The following ZNF208 variants were observed in gnomAD, a reference collection of about 807,000 sequenced individuals.
The protein encoded by ZNF208 is zinc finger protein 208.
ZNF208 carries 10 observed loss-of-function variants against 12.1 expected under a neutral mutation model. The observed-to-expected ratio is 0.83, with a 90% CI of 0.51 to 1.40. The LOEUF is 1.40. Among genes scored for constraint, ZNF208 ranks in the 40% most tolerant of loss-of-function variants. The pLI is 0.00. For missense variants in ZNF208, 1,652 were observed against 1,485.0 expected, an observed-to-expected ratio of 1.11 and a Z score of -1.85; for synonymous variants, 497 against 488.4, an observed-to-expected ratio of 1.02 and a Z score of -0.23.
chr19:21,954,261 G>T (rs1969936240), intron 4 of ZNF208, among the ~76,000 whole-genome samples: 1 of 152,150 alleles, frequency 6.6e-6, no homozygotes, highest in Non-Finnish European at 1.5e-5. Context: ...CAACTATGTG[G>T]TCAATTTTGG....
chr19:21,993,935 T>C (rs942938240), intron 1 of ZNF208, among the ~76,000 whole-genome samples: 3 of 152,250 alleles, frequency 2.0e-5, no homozygotes, highest in Admixed American at 6.5e-5. Context: ...ATGTGCTCAA[T>C]AGGAAGTTAC....
At chr19:21,987,774 G>A (rs562554359) in intron 2 of ZNF208, among the ~76,000 whole-genome samples, 2 of 152,244 alleles carry the variant, frequency 1.3e-5, no homozygotes, top group South Asian at 4.2e-4. Flanking sequence ...CACTGCTATA[G>A]ATTAGGTGTA....
At chr19:21,954,285 T>G (rs1233054026) in intron 4 of ZNF208, among the ~76,000 whole-genome samples, 7 of 152,190 alleles carry the variant, frequency 4.6e-5, no homozygotes, top group Non-Finnish European at 8.8e-5. Flanking sequence ...AAGTGTGATG[T>G]GGTGCTGAGA....
chr19:21,972,168 A>T lies in ZNF208; in HGVS notation c.2866T>A (p.Ser956Thr). 1 of 1,610,472 alleles carries T rather than the reference A, an allele frequency of 6.2e-7. No individual in the cohort carries two copies. The highest frequency in any genetic ancestry group is 8.5e-7 in the Non-Finnish European group (1 of 1,178,058). Reference sequence around the variant, plus strand: ...TTATGATAACTAAGGGTTGAGGATGACTTATAGGCTTTGCCACATGCTTCA... The same window carrying T: ...TTATGATAACTAAGGGTTGAGGATGTCTTATAGGCTTTGCCACATGCTTCA... Reference protein sequence around the residue: ...KCEACGKAYKSSSTLSYHKKI... With the variant: ...KCEACGKAYKTSSTLSYHKKI... The change falls in exon 4 of 4, where the codon TCA becomes ACA. Residue 956 changes from serine to threonine, a missense_variant. Physicochemically the swap from Ser to Thr is moderately conservative, Grantham distance 58. This residue lies in a region of ZNF208 where 1,239 missense variants were observed against 1,086.2 expected (regional missense o/e 1.14). Coordinates refer to ENST00000397126, the MANE Select transcript of ZNF208 (RefSeq NM_007153.3).
chr19:21,974,650 T>A lies in ZNF208; in HGVS notation c.384A>T (p.Glu128Asp), dbSNP rs774806098. The A allele has an allele frequency of 6.2e-7, 1 of 1,613,810 alleles. No homozygotes were observed. The highest frequency in any genetic ancestry group is 1.3e-5 in the African/African-American group (1 of 75,048). The change falls in exon 4 of 4, where the codon GAA (glutamate) becomes GAT (aspartate). Residue 128 changes from glutamate (E) to aspartate (D), a missense_variant. Transcript: ENST00000397126. Reference protein sequence around the residue: ...TNVDECKVHKEGYNKLNQSLT... With the variant: ...TNVDECKVHKDGYNKLNQSLT... ...AACTCTGGTTAAGTTTATTATAACC[T>A]TCTTTGTGCACCTTACACTCATCCA...
intron 4 of ZNF208, among the ~76,000 whole-genome samples, chr19:21,955,952 C>A (rs1294507298): frequency 6.6e-6 from 1 of 152,178 alleles, no homozygotes; most frequent in Non-Finnish European, 1.5e-5. Context: ...TCTGGTTTCT[C>A]CCCATCTTTG....
chr19:22,007,505 C>CAAAAA (rs58769307), intron 1 of ZNF208, among the ~76,000 whole-genome samples: 1 of 62,554 alleles, frequency 1.6e-5, no homozygotes, highest in Admixed American at 2.4e-4. Context: ...ACTCTGTCTC[C>CAAAAA]AAAAAAAAAA....
In ZNF208 at chr19:21,971,046, T is replaced by G; in HGVS notation, c.*145A>C. ...TTGTAGGGTGTCTCTCCAGTATGAA[T>G]TCTCTTATGTTCCATAAGGTTTGAG... is the stretch of plus-strand genomic sequence containing the variant. On this transcript the variant is annotated 3_prime_UTR_variant, in exon 4 of 4. Transcript: ENST00000397126. 6.2e-7 allele frequency: 1 copy of G among 1,609,902 alleles called. No individual in the cohort carries two copies. The highest frequency in any genetic ancestry group is 8.5e-7 in the Non-Finnish European group (1 of 1,176,578).
At chr19:21,939,987 A>G (rs1389487464) in intron 4 of ZNF208, 4 of 152,140 alleles carry the variant, frequency 2.6e-5, no homozygotes, top group African/African-American at 9.7e-5. Context: ...TAACACAAAA[A>G]TTGTTCATGT....
chr19:21,971,235 C>G lies in ZNF208; in HGVS notation c.3799G>C (p.Val1267Leu). 1 of 1,597,692 alleles carries G rather than the reference C, an allele frequency of 6.3e-7. No individual in the cohort carries two copies. Among genetic ancestry groups the G allele is most frequent in the African/African-American group, 1.4e-5 (1 of 70,676 alleles). Residue 1267 changes from valine to leucine, a missense_variant, in exon 4 of 4, where the codon GTC (valine) becomes CTC (leucine). Physicochemically the swap from Val to Leu is conservative, Grantham distance 32. Around this residue, in one of 3 missense-constraint regions of ZNF208, gnomAD observed 1,239 missense variants for 1,086.2 expected, o/e 1.14. Coordinates refer to ENST00000397126, the MANE Select transcript of ZNF208 (RefSeq NM_007153.3). Reference protein sequence around the residue: ...ECGKAFSWLSVFSKHKKIHTG... With the variant: ...ECGKAFSWLSLFSKHKKIHTG... ...TGAATTTTCTTATGTTTACTGAAGACTGATAACCAGCTGAAGGCTTTGCCA... is the reference window on the plus strand; with the variant it reads ...TGAATTTTCTTATGTTTACTGAAGAGTGATAACCAGCTGAAGGCTTTGCCA...
intron 4 of ZNF208, among the ~76,000 whole-genome samples, chr19:21,951,841 G>A (rs1250390663): frequency 6.6e-6 from 1 of 152,232 alleles, no homozygotes; most frequent in African/African-American, 2.4e-5. Flanking sequence ...AAGCAGGACA[G>A]GGTGTCACCT....
chr19:21,976,983 A>G (rs527561043), intron 3 of ZNF208, among the ~76,000 whole-genome samples: 3 of 152,096 alleles, frequency 2.0e-5, no homozygotes, highest in African/African-American at 7.2e-5. Flanking sequence ...TATTAATCAA[A>G]TGAGAGCAGA....
intron 1 of ZNF208, among the ~76,000 whole-genome samples, chr19:21,991,241 T>G (rs866212857): frequency 1.3e-5 from 2 of 152,140 alleles, no homozygotes; most frequent in South Asian, 2.1e-4. Flanking sequence ...TGGCTGTGAG[T>G]TTGTCATAGA....
At chr19:21,961,559 T>A (rs374139297), downstream of ZNF208, among the ~76,000 whole-genome samples, 51 of 151,294 alleles carry the variant, frequency 3.4e-4, 1 homozygote, top group South Asian at 5.0e-3. Context: ...CAGGGTGGGG[T>A]TTTTTTCCCC....
chr19:21,955,117 C>A (rs549255994), intron 4 of ZNF208, among the ~76,000 whole-genome samples: 1 of 152,332 alleles, frequency 6.6e-6, no homozygotes, highest in African/African-American at 2.4e-5. Flanking sequence ...ATATGAAATT[C>A]TTGGTTGAAA....
chr19:21,991,051 A>C (rs1157718571), intron 1 of ZNF208, among the ~76,000 whole-genome samples: 1 of 152,206 alleles, frequency 6.6e-6, no homozygotes, highest in Non-Finnish European at 1.5e-5. Flanking sequence ...TCATCTGCAA[A>C]CAGGGACAAT....
intron 4 of ZNF208, among the ~76,000 whole-genome samples, chr19:21,960,021 C>A (rs539089281): frequency 3.9e-4 from 60 of 152,128 alleles, no homozygotes; most frequent in Middle Eastern, 6.8e-3. Context: ...TCTGGTAATA[C>A]AGCAGTTGAA....
chr19:21,968,196 T>C lies in ZNF208; in HGVS notation c.*2995A>G, dbSNP rs1970206800. 1 of 152,132 alleles carries C rather than the reference T, an allele frequency of 6.6e-6. No individual in the cohort carries two copies. Among genetic ancestry groups the C allele is most frequent in the Non-Finnish European group, 1.5e-5 (1 of 68,014 alleles). 9.4% of individuals were successfully genotyped at this position (152,132 alleles called of 1,614,324 possible). On this transcript the variant is annotated 3_prime_UTR_variant, in exon 4 of 4. Transcript: ENST00000397126. ...TTTCATCAGTAAAGATAATTTGACT[T>C]TCTTTGTTTTCTGTTTGGATTCCTT...
chr19:21,959,649 G>A (rs1970032858), intron 4 of ZNF208, among the ~76,000 whole-genome samples: 1 of 152,122 alleles, frequency 6.6e-6, no homozygotes, highest in Non-Finnish European at 1.5e-5. Flanking sequence ...GCTATACATG[G>A]AAAAATATTT....
Sources: gnomAD v4.1 joint callset for allele counts (sites outside exome capture counted in the v4.1 genomes callset) on GRCh38, gnomAD v4.1.1 for gene constraint, gnomAD v4.1.1 regional missense constraint, MANE v1.5 for transcripts, NCBI Gene and HGNC (gene_info 2026-07-23, HGNC 2026-07-21) for gene names.